The following TMEM163 variants were observed in gnomAD, a reference collection of about 807,000 sequenced individuals.
TMEM163 encodes the protein transmembrane protein 163.
A neutral mutation model predicts 29.3 loss-of-function variants in TMEM163; 17 were observed. The ratio of observed to expected loss-of-function variants is 0.58; its 90% CI spans 0.40 to 0.87. The LOEUF (loss-of-function observed/expected upper bound fraction) is 0.87, where lower values mean the gene tolerates loss of function less well. Among genes scored for constraint, TMEM163 ranks in the 40% least tolerant of loss-of-function variants. The pLI is 0.00. For missense variants in TMEM163, 303 were observed against 381.5 expected, an observed-to-expected ratio of 0.79 and a Z score of 1.71; for synonymous variants, 157 against 160.6, an observed-to-expected ratio of 0.98 and a Z score of 0.17.
intron 2 of TMEM163, among the ~76,000 whole-genome samples, chr2:134,674,309 G>T (rs2104869123): frequency 6.7e-6 from 1 of 149,848 alleles, no homozygotes; most frequent in East Asian, 2.0e-4. Context: ...GGTAGGATGT[G>T]AACGTTGTCA....
intron 2 of TMEM163, among the ~76,000 whole-genome samples, chr2:134,595,829 C>T (rs1242923342): frequency 6.6e-6 from 1 of 152,184 alleles, no homozygotes; most frequent in African/African-American, 2.4e-5. Flanking sequence ...GAGATAGTAA[C>T]TCATTGTGGT....
rs552938929 is a variant in TMEM163, at chr2:134,489,905, G to A, written c.555+12996C>T. Among the ~76,000 whole-genome samples the A allele has an allele frequency of 3.7e-4, 57 of 152,296 alleles. No homozygotes were observed. The South Asian group carries it at 0.011, about 28-fold the overall frequency. On this transcript the variant is annotated intron_variant, in intron 5 of 7. Transcript: ENST00000281924. ...AGGCAGCCTCTGTTGGGGATTCCCC[G>A]AAAGATGAACTCCTCCTGGTTATAT...
intron 5 of TMEM163, among the ~76,000 whole-genome samples, chr2:134,484,462 T>C (rs149406251): frequency 6.6e-6 from 1 of 152,060 alleles, no homozygotes; most frequent in Non-Finnish European, 1.5e-5. Context: ...GAGGATTACT[T>C]GAACTCAAAA....
chr2:134,456,564 G>T lies in TMEM163; in HGVS notation c.*152C>A. 1.1e-6 allele frequency: 1 copy of T among 875,884 alleles called. No homozygotes were observed. Among genetic ancestry groups the T allele is most frequent in the Non-Finnish European group, 1.8e-6 (1 of 555,368 alleles). 54.3% of individuals were successfully genotyped at this position (875,884 alleles called of 1,614,324 possible). A position where few individuals can be genotyped will look rare whatever the true frequency, so the allele number is the denominator to read the frequency against. ...GGCGGCAGGTGATGGGGGCAAGGTAGATCCACCTGGCTGGGCAGACCTTGT... is the reference window on the plus strand; with the variant it reads ...GGCGGCAGGTGATGGGGGCAAGGTATATCCACCTGGCTGGGCAGACCTTGT... On this transcript the variant is annotated 3_prime_UTR_variant, in exon 8 of 8. Transcript: ENST00000281924.
intron 2 of TMEM163, among the ~76,000 whole-genome samples, chr2:134,664,236 C>G (rs1032026547): frequency 1.3e-5 from 2 of 152,232 alleles, no homozygotes; most frequent in African/African-American, 4.8e-5. Flanking sequence ...GGACTAATCT[C>G]TTCCCAGCGC....
intron 2 of TMEM163, among the ~76,000 whole-genome samples, chr2:134,657,087 C>A (rs1481385006): frequency 2.0e-5 from 3 of 151,994 alleles, no homozygotes; most frequent in Non-Finnish European, 4.4e-5. Flanking sequence ...GATTTTATAT[C>A]AGTGATGCTG....
At chr2:134,634,721 G>A (rs964219866) in intron 2 of TMEM163, among the ~76,000 whole-genome samples, 1 of 152,238 alleles carries the variant, frequency 6.6e-6, no homozygotes, top group Admixed American at 6.5e-5. Flanking sequence ...GGCTTTGGGT[G>A]CATATAGTCT....
At chr2:134,508,989 C>T (rs579076) in intron 4 of TMEM163, among the ~76,000 whole-genome samples, 60,240 of 151,956 alleles carry the variant, frequency 0.4, 12,175 homozygotes, top group South Asian at 0.62. Flanking sequence ...GTGGTTTACA[C>T]CTGTAATAAT....
intron 2 of TMEM163, among the ~76,000 whole-genome samples, chr2:134,639,990 C>A (rs530608857): frequency 6.6e-6 from 1 of 152,114 alleles, no homozygotes; most frequent in Non-Finnish European, 1.5e-5. Context: ...TAAAAATAAA[C>A]CCCAGTTTCC....
chr2:134,601,831 G>A (rs1171806354), intron 2 of TMEM163, among the ~76,000 whole-genome samples: 2 of 152,158 alleles, frequency 1.3e-5, no homozygotes, highest in Admixed American at 6.5e-5. Context: ...ATAGAGTAAG[G>A]AGGATCAGGA....
intron 4 of TMEM163, among the ~76,000 whole-genome samples, chr2:134,539,676 G>A (rs920079775): frequency 5.3e-5 from 8 of 152,222 alleles, no homozygotes; most frequent in Non-Finnish European, 1.2e-4. Flanking sequence ...TTGATTTGTA[G>A]TCAATGGCAG....
chr2:134,601,970 C>T (rs1682246409), intron 2 of TMEM163, among the ~76,000 whole-genome samples: 1 of 152,132 alleles, frequency 6.6e-6, no homozygotes, highest in Admixed American at 6.6e-5. Flanking sequence ...GAAGAGGGAA[C>T]AGCTTGAACA....
intron 4 of TMEM163, among the ~76,000 whole-genome samples, chr2:134,538,805 G>T (rs1680597808): frequency 6.6e-6 from 1 of 152,190 alleles, no homozygotes; most frequent in Non-Finnish European, 1.5e-5. Flanking sequence ...AATAGACAGT[G>T]GCTGCGTGGG....
At chr2:134,639,492 C>T (rs1057207925) in intron 2 of TMEM163, among the ~76,000 whole-genome samples, 1 of 152,152 alleles carries the variant, frequency 6.6e-6, no homozygotes, top group East Asian at 1.9e-4. Context: ...CTTTTGCTTT[C>T]ACTGGAGATG....
intron 2 of TMEM163, among the ~76,000 whole-genome samples, chr2:134,582,309 A>G (rs557387428): frequency 6.6e-6 from 1 of 152,300 alleles, no homozygotes; most frequent in South Asian, 2.1e-4. Flanking sequence ...GAAGGTCAGT[A>G]TGGTAGGTGC....
At chr2:134,489,346 G>A (rs887215024) in intron 5 of TMEM163, among the ~76,000 whole-genome samples, 12 of 152,106 alleles carry the variant, frequency 7.9e-5, no homozygotes, top group African/African-American at 2.9e-4. Flanking sequence ...TTGAGAGGCT[G>A]AGGCGGGTGG....
At chr2:134,485,789 A>G (rs1418053448) in intron 5 of TMEM163, among the ~76,000 whole-genome samples, 1 of 152,188 alleles carries the variant, frequency 6.6e-6, no homozygotes, top group Non-Finnish European at 1.5e-5. Flanking sequence ...AGAATCAAAC[A>G]CTTCTTCAGA....
At chr2:134,560,711 T>C (rs535935718) in intron 2 of TMEM163, among the ~76,000 whole-genome samples, 7 of 152,056 alleles carry the variant, frequency 4.6e-5, no homozygotes, top group African/African-American at 1.7e-4. Context: ...AAAATCCAAA[T>C]AAAAACAACC....
At chr2:134,631,014 A>G (rs1238381341) in intron 2 of TMEM163, among the ~76,000 whole-genome samples, 1 of 10,464 alleles carries the variant, frequency 9.6e-5, no homozygotes, top group African/African-American at 3.6e-4. Context: ...CACTTGAGGG[A>G]AAAAAAAAAT....
Sources: gnomAD v4.1 joint callset for allele counts (sites outside exome capture counted in the v4.1 genomes callset) on GRCh38, gnomAD v4.1.1 for gene constraint, MANE v1.5 for transcripts, NCBI Gene and HGNC (gene_info 2026-07-23, HGNC 2026-07-21) for gene names.